SERGEF: variants seen among roughly 807,000 people sequenced by gnomAD.
SERGEF encodes secretion-regulating guanine nucleotide exchange factor.
Under a neutral mutation model 50.0 loss-of-function variants are expected in SERGEF, and 51 were observed. The observed-to-expected ratio is 1.02, with a 90% CI of 0.81 to 1.29. The LOEUF (loss-of-function observed/expected upper bound fraction) is 1.29. Ranked by LOEUF, SERGEF falls within the 50% of genes most tolerant of loss-of-function variation. SERGEF has a pLI of 0.00. For synonymous variants in SERGEF, 205 were observed against 212.4 expected, an observed-to-expected ratio of 0.97 and a Z score of 0.30; for missense variants, 521 against 557.0, an observed-to-expected ratio of 0.94 and a Z score of 0.65.
intron 10 of SERGEF, among the ~76,000 whole-genome samples, chr11:17,874,504 G>A (rs1299171515): frequency 1.3e-5 from 2 of 152,182 alleles, no homozygotes; most frequent in East Asian, 3.8e-4. Context: ...AACATGTCAA[G>A]AGAAACTTAA....
At chr11:17,894,844 G>A (rs1055434160) in intron 9 of SERGEF, among the ~76,000 whole-genome samples, 3 of 152,162 alleles carry the variant, frequency 2.0e-5, no homozygotes. Flanking sequence ...TCCTTCAGAC[G>A]TTAAGAATTT....
chr11:18,011,358 A>G (rs1854192037), intron 1 of SERGEF, among the ~76,000 whole-genome samples: 1 of 152,220 alleles, frequency 6.6e-6, no homozygotes, highest in Non-Finnish European at 1.5e-5. Flanking sequence ...AAGAGACACC[A>G]CGGATGCTCA....
At chr11:17,905,578 G>T (rs1851824274) in intron 9 of SERGEF, among the ~76,000 whole-genome samples, 1 of 152,178 alleles carries the variant, frequency 6.6e-6, no homozygotes, top group Non-Finnish European at 1.5e-5. Flanking sequence ...CAGGACCCAG[G>T]GCTCCTTCTC....
chr11:17,849,925 G>C (rs1850681483), intron 10 of SERGEF, among the ~76,000 whole-genome samples: 1 of 152,122 alleles, frequency 6.6e-6, no homozygotes, highest in African/African-American at 2.4e-5. Flanking sequence ...TTACTTTCAA[G>C]ATACATGATC....
intron 10 of SERGEF, among the ~76,000 whole-genome samples, chr11:17,798,424 C>T (rs558045630): frequency 1.5e-4 from 23 of 152,332 alleles, no homozygotes; most frequent in African/African-American, 4.8e-4. Flanking sequence ...CATTTGGGTG[C>T]GGTTCAGAAA....
At chr11:17,831,189 T>C (rs1161849632) in intron 10 of SERGEF, among the ~76,000 whole-genome samples, 1 of 152,228 alleles carries the variant, frequency 6.6e-6, no homozygotes, top group Non-Finnish European at 1.5e-5. Flanking sequence ...CTCCAGAGAT[T>C]CTGATTCAGC....
chr11:17,898,089 A>G (rs1043823686), intron 9 of SERGEF, among the ~76,000 whole-genome samples: 1 of 152,232 alleles, frequency 6.6e-6, no homozygotes. Flanking sequence ...CTGAGCATTC[A>G]TGATAATTTA....
chr11:17,910,193 A>ACACTCTCTCT (rs869123110), intron 9 of SERGEF, among the ~76,000 whole-genome samples: 1 of 145,638 alleles, frequency 6.9e-6, no homozygotes, highest in Non-Finnish European at 1.5e-5. Context: ...ACACACACAC[A>ACACTCTCTCT]CTCTCTCTCT....
At chr11:17,836,465 G>A (rs1042950427) in intron 10 of SERGEF, among the ~76,000 whole-genome samples, 10 of 152,180 alleles carry the variant, frequency 6.6e-5, no homozygotes, top group African/African-American at 2.4e-4. Flanking sequence ...GGATTTGATT[G>A]GTTAGTATTC....
chr11:18,004,118 T>A (rs1039147236), intron 4 of SERGEF, among the ~76,000 whole-genome samples: 2 of 152,240 alleles, frequency 1.3e-5, no homozygotes, highest in Admixed American at 6.5e-5. Context: ...ATCACTTCTA[T>A]CTGGACCTAT....
At chr11:17,869,531 A>T (rs1851096667) in intron 10 of SERGEF, among the ~76,000 whole-genome samples, 1 of 152,192 alleles carries the variant, frequency 6.6e-6, no homozygotes, top group Admixed American at 6.5e-5. Flanking sequence ...GTATATAGTG[A>T]GGGCCTATTC....
intron 10 of SERGEF, among the ~76,000 whole-genome samples, chr11:17,827,002 C>T (rs1042415208): frequency 6.6e-6 from 1 of 152,094 alleles, no homozygotes; most frequent in Non-Finnish European, 1.5e-5. Flanking sequence ...GTTCTTTCTT[C>T]TATACCACGC....
At chr11:18,012,339 C>T (rs1284540837) in intron 1 of SERGEF, among the ~76,000 whole-genome samples, 1 of 152,212 alleles carries the variant, frequency 6.6e-6, no homozygotes, top group Non-Finnish European at 1.5e-5. Flanking sequence ...ATGAACCCTC[C>T]TCTCTCCCAG....
In SERGEF at chr11:18,012,646, C is replaced by A. The variant is rs928143773; in HGVS notation, c.60+305G>T. ...TCCGCGCTGTCTTCCAGGCGCTATT[C>A]GGGCTGGAGGGCTCTCGCGGAACCA... On this transcript the variant is annotated intron_variant, in intron 1 of 10. Coordinates refer to ENST00000265965, the MANE Select transcript of SERGEF (RefSeq NM_012139.4). The A allele has an allele frequency of 1.4e-5, 16 of 1,172,456 alleles. No individual in the cohort carries two copies. The African/African-American group carries it at 2.6e-4, about 19-fold the overall frequency. 72.6% of individuals were successfully genotyped at this position (1,172,456 alleles called of 1,614,324 possible).
In SERGEF at chr11:17,954,030, C is replaced by T. The variant is rs142835445; in HGVS notation, c.1011+5440G>A. Among the ~76,000 whole-genome samples the T allele has an allele frequency of 2.0e-3, 310 of 152,292 alleles. 1 individual carries two copies. The highest frequency in any genetic ancestry group is 6.9e-3 in the African/African-American group (287 of 41,574). ...ACTACCCATTTTAAGCACTGCTATC[C>T]CATTTCCAGAGGGCTTTAAAACACT... On this transcript the variant is annotated intron_variant, in intron 9 of 10. Coordinates refer to ENST00000265965, the MANE Select transcript of SERGEF (RefSeq NM_012139.4).
chr11:17,817,251 C>A (rs1037429802), intron 10 of SERGEF, among the ~76,000 whole-genome samples: 8 of 146,804 alleles, frequency 5.4e-5, no homozygotes, highest in Admixed American at 1.4e-4. Flanking sequence ...CTCGCTCTGT[C>A]GCCCAGGCTG....
At chr11:18,005,856 C>A (rs572740322) in intron 3 of SERGEF, among the ~76,000 whole-genome samples, 1 of 152,304 alleles carries the variant, frequency 6.6e-6, no homozygotes, top group African/African-American at 2.4e-5. Flanking sequence ...AAAAAAATCC[C>A]ACAGTGTGAA....
At chr11:17,821,251 A>T (rs1431945442) in intron 10 of SERGEF, among the ~76,000 whole-genome samples, 1 of 152,230 alleles carries the variant, frequency 6.6e-6, no homozygotes, top group Non-Finnish European at 1.5e-5. Flanking sequence ...ATAAATTCCT[A>T]TCATAAACCA....
chr11:17,930,662 A>T (rs1368481650), intron 9 of SERGEF, among the ~76,000 whole-genome samples: 1 of 152,208 alleles, frequency 6.6e-6, no homozygotes, highest in Non-Finnish European at 1.5e-5. Context: ...TAGACCAGTG[A>T]GGTTAAAGGC....
Sources: gnomAD v4.1 joint callset for allele counts (sites outside exome capture counted in the v4.1 genomes callset) on GRCh38, gnomAD v4.1.1 for gene constraint, MANE v1.5 for transcripts, NCBI Gene and HGNC (gene_info 2026-07-23, HGNC 2026-07-21) for gene names.